The following ABTB3 variants were observed in gnomAD, a reference collection of about 807,000 sequenced individuals.
ABTB3 encodes ankyrin repeat- and BTB/POZ domain-containing protein 3.
the ABTB3 span, chr12:107,635,194 T>C: frequency 4.4e-6 from 5 of 1,143,040 alleles, no homozygotes; most frequent in Non-Finnish European, 6.4e-6. Context: ...GTGTGAGCTC[T>C]TATCACCTGG....
the ABTB3 span, among the ~76,000 whole-genome samples, chr12:107,469,990 TTCTTTCTTTCTTTCTTTCTTTC>T: frequency 9.2e-5 from 6 of 64,988 alleles, 1 homozygote; most frequent in African/African-American, 4.4e-4. Context: ...CTTTCTTTCT[TTCTTTCTTTCTTTCTTTCTTTC>T]TCTCTCTCTC....
the ABTB3 span, among the ~76,000 whole-genome samples, chr12:107,392,937 C>A: frequency 2.0e-5 from 3 of 151,920 alleles, no homozygotes; most frequent in Non-Finnish European, 1.5e-5. Flanking sequence ...AGTGGGCACA[C>A]GCTGAAGGCT....
chr12:107,583,580 G>A, the ABTB3 span, among the ~76,000 whole-genome samples: 1 of 152,178 alleles, frequency 6.6e-6, no homozygotes, highest in African/African-American at 2.4e-5. Context: ...TCTTCTGGAT[G>A]GCTCTGTCCC....
the ABTB3 span, among the ~76,000 whole-genome samples, chr12:107,354,845 C>T: frequency 6.6e-6 from 1 of 152,178 alleles, no homozygotes; most frequent in Admixed American, 6.5e-5. Flanking sequence ...ATACCCTTAA[C>T]CCCTGGCAAT....
the ABTB3 span, among the ~76,000 whole-genome samples, chr12:107,637,067 T>A: frequency 6.6e-6 from 1 of 152,108 alleles, no homozygotes; most frequent in Admixed American, 6.5e-5. Flanking sequence ...ACCATCAACA[T>A]CCATTGAGCA....
chr12:107,620,264 G>A, the ABTB3 span: 3 of 1,443,922 alleles, frequency 2.1e-6, no homozygotes, highest in Non-Finnish European at 1.9e-6. Flanking sequence ...CTTTGAGTGG[G>A]ATCACTACGG....
At chr12:107,574,183 C>T in the ABTB3 span, among the ~76,000 whole-genome samples, 7 of 152,318 alleles carry the variant, frequency 4.6e-5, no homozygotes, top group African/African-American at 1.7e-4. Flanking sequence ...ACTAGCTTTT[C>T]CCAGCCTCAC....
chr12:107,348,236 T>C, the ABTB3 span, among the ~76,000 whole-genome samples: 1 of 152,106 alleles, frequency 6.6e-6, no homozygotes, highest in Non-Finnish European at 1.5e-5. Context: ...CATATGTATA[T>C]AGAAATATAT....
chr12:107,496,554 G>A, the ABTB3 span, among the ~76,000 whole-genome samples: 1 of 152,128 alleles, frequency 6.6e-6, no homozygotes, highest in Non-Finnish European at 1.5e-5. Context: ...GCTTGTCTGG[G>A]GTTAAGCCAA....
the ABTB3 span, among the ~76,000 whole-genome samples, chr12:107,476,683 G>A: frequency 1.3e-5 from 2 of 151,918 alleles, no homozygotes; most frequent in Non-Finnish European, 2.9e-5. Context: ...ACATTCTGGA[G>A]TCTCCATGGA....
chr12:107,624,448 A>G, the ABTB3 span, among the ~76,000 whole-genome samples: 4 of 152,142 alleles, frequency 2.6e-5, no homozygotes, highest in Non-Finnish European at 5.9e-5. Context: ...GAAAATTCCC[A>G]TCACCACAAG....
chr12:107,624,696 T>C, the ABTB3 span, among the ~76,000 whole-genome samples: 5 of 152,196 alleles, frequency 3.3e-5, no homozygotes, highest in Admixed American at 1.3e-4. Flanking sequence ...TAGTATTCCA[T>C]GGAATAGATG....
the ABTB3 span, among the ~76,000 whole-genome samples, chr12:107,589,995 C>A: frequency 6.6e-6 from 1 of 152,206 alleles, no homozygotes; most frequent in African/African-American, 2.4e-5. Context: ...CTGCAACCTC[C>A]ACCTCCTGGG....
chr12:107,621,823 T>C, the ABTB3 span, among the ~76,000 whole-genome samples: 1 of 152,200 alleles, frequency 6.6e-6, no homozygotes, highest in South Asian at 2.1e-4. Context: ...GGACAGCTCA[T>C]TAGATAGGAA....
At chr12:107,582,992 G>A in the ABTB3 span, among the ~76,000 whole-genome samples, 1 of 152,180 alleles carries the variant, frequency 6.6e-6, no homozygotes, top group Non-Finnish European at 1.5e-5. Context: ...AGACCCTACA[G>A]CTTAAAAGTT....
chr12:107,520,363 G>A, the ABTB3 span: 49 of 1,472,860 alleles, frequency 3.3e-5, no homozygotes, highest in Non-Finnish European at 4.3e-5. Flanking sequence ...TCCTACATTG[G>A]CTTTCTTTGC....
chr12:107,370,757 ATTTTTTTTTTTTTTT>A, the ABTB3 span, among the ~76,000 whole-genome samples: 1 of 87,466 alleles, frequency 1.1e-5, no homozygotes, highest in African/African-American at 4.4e-5. Context: ...CAAAAAAGGG[ATTTTTTTTTTTTTTT>A]TTTTTTTTTT....
chr12:107,591,599 T>G, the ABTB3 span, among the ~76,000 whole-genome samples: 1 of 152,108 alleles, frequency 6.6e-6, no homozygotes, highest in Non-Finnish European at 1.5e-5. Context: ...CAATTCAACA[T>G]GAGATTTGGG....
the ABTB3 span, among the ~76,000 whole-genome samples, chr12:107,652,039 A>T: frequency 9.9e-5 from 15 of 152,264 alleles, no homozygotes; most frequent in African/African-American, 3.4e-4. Flanking sequence ...TTAGACTCTC[A>T]TGTGCATATG....
Sources: allele counts gnomAD v4.1 joint callset (sites outside exome capture counted in the v4.1 genomes callset), GRCh38; gene constraint gnomAD v4.1.1; transcripts MANE v1.5; gene names NCBI Gene and HGNC (gene_info 2026-07-23, HGNC 2026-07-21).